SLC4A8: variants seen among roughly 807,000 people sequenced by gnomAD.
SLC4A8 encodes the protein solute carrier family 4 member 8.
Under a neutral mutation model 125.0 loss-of-function variants are expected in SLC4A8, and 40 were observed. The observed-to-expected ratio is 0.32, with a 90% CI of 0.25 to 0.42. SLC4A8 has a LOEUF of 0.42. Ranked by LOEUF, SLC4A8 falls within the 10% of genes least tolerant of loss-of-function variation. The pLI, the probability that SLC4A8 is intolerant of heterozygous loss-of-function variation, is 1.00. For missense variants in SLC4A8, 863 were observed against 1,355.1 expected (o/e 0.64, Z 5.70); for synonymous variants, 456 against 476.0 (o/e 0.96, Z 0.55).
chr12:51,457,869 C>T (rs1425355280), intron 6 of SLC4A8, among the ~76,000 whole-genome samples: 1 of 152,100 alleles, frequency 6.6e-6, no homozygotes, highest in East Asian at 1.9e-4. Context: ...TAGGAGCAAA[C>T]AAATATCTTA....
intron 22 of SLC4A8, among the ~76,000 whole-genome samples, chr12:51,502,837 ATTTTTTT>A (rs557351749): frequency 8.4e-6 from 1 of 118,392 alleles, no homozygotes; most frequent in Admixed American, 9.5e-5. Flanking sequence ...CGCCCGACTA[ATTTTTTT>A]TTTTTTTTTT....
At chr12:51,434,176 C>T (rs1949325614) in intron 1 of SLC4A8, among the ~76,000 whole-genome samples, 1 of 152,058 alleles carries the variant, frequency 6.6e-6, no homozygotes, top group African/African-American at 2.4e-5. Context: ...AGCCTGGCCA[C>T]ACAATCTTGT....
intron 13 of SLC4A8, 96 bp from the exon 14 acceptor site, chr12:51,471,191 T>C: frequency 8.5e-7 from 1 of 1,174,878 alleles, no homozygotes. Context: ...TGGGTTCCAG[T>C]GCTTGTTTAG....
chr12:51,395,347 T>C (rs1394412555), intron 1 of SLC4A8, among the ~76,000 whole-genome samples: 3 of 152,202 alleles, frequency 2.0e-5, no homozygotes, highest in African/African-American at 7.2e-5. Flanking sequence ...TTTTTTTTTT[T>C]TCTCACGATC....
At chr12:51,499,602 C>CTTGGTTATA (rs1226359614) in intron 22 of SLC4A8, among the ~76,000 whole-genome samples, 5 of 139,546 alleles carry the variant, frequency 3.6e-5, no homozygotes, top group Non-Finnish European at 7.8e-5. Context: ...TATTTGTTTT[C>CTTGGTTATA]TTGGTTATAG....
chr12:51,470,643 T>C lies in SLC4A8; in HGVS notation c.1658+118T>C, dbSNP rs988368590. The C allele has an allele frequency of 4.2e-6, 4 of 944,446 alleles. No homozygotes were observed. The East Asian group carries it at 7.4e-5, about 17-fold the overall frequency. 58.5% of individuals were successfully genotyped at this position (944,446 alleles called of 1,614,324 possible). ...ATATCATTTTGGATTGTAAGAAACC[T>C]GAAAGGAGACCATCATTTGGTCTGT... On this transcript the variant is annotated intron_variant, in intron 13 of 24. Transcript: ENST00000453097.
intron 2 of SLC4A8, among the ~76,000 whole-genome samples, chr12:51,443,647 T>C (rs1033920892): frequency 6.6e-6 from 1 of 152,218 alleles, no homozygotes; most frequent in African/African-American, 2.4e-5. Context: ...TAAGGCCTTC[T>C]AATACGTTTT....
intron 2 of SLC4A8, among the ~76,000 whole-genome samples, chr12:51,448,014 C>T (rs1167943237): frequency 2.0e-5 from 3 of 152,154 alleles, no homozygotes; most frequent in Admixed American, 6.5e-5. Context: ...CCACCACGTC[C>T]GGCTGGGATT....
chr12:51,409,930 C>G (rs932343669), intron 1 of SLC4A8, among the ~76,000 whole-genome samples: 17 of 152,166 alleles, frequency 1.1e-4, no homozygotes, highest in African/African-American at 4.1e-4. Context: ...ATGGGAAATA[C>G]GTGGAAATGT....
intron 18 of SLC4A8, among the ~76,000 whole-genome samples, 178 bp downstream of exon 18, chr12:51,489,038 G>A (rs1398408877): frequency 6.6e-6 from 1 of 152,192 alleles, no homozygotes; most frequent in Non-Finnish European, 1.5e-5. Context: ...ATGGTTGTAT[G>A]GTATGAAAGC....
At chr12:51,494,886 A>G in intron 20 of SLC4A8, 59 bp from the exon 21 acceptor site, 3 of 1,465,994 alleles carry the variant, frequency 2.0e-6, no homozygotes, top group Non-Finnish European at 2.8e-6. Flanking sequence ...GAATTGGTCT[A>G]ACAAAGCTTC....
intron 8 of SLC4A8, 61 bp downstream of exon 8, chr12:51,460,169 A>G (rs1325024912): frequency 1.6e-6 from 2 of 1,253,906 alleles, no homozygotes; most frequent in Non-Finnish European, 2.3e-6. Context: ...TAGTGCTGGT[A>G]GAAGAAACCA....
At chr12:51,396,595 C>A (rs1948267127) in intron 1 of SLC4A8, among the ~76,000 whole-genome samples, 1 of 151,666 alleles carries the variant, frequency 6.6e-6, no homozygotes, top group Non-Finnish European at 1.5e-5. Flanking sequence ...GTAATCCCAG[C>A]ACTTTGGGAG....
chr12:51,398,734 A>G (rs1013518678), intron 1 of SLC4A8, among the ~76,000 whole-genome samples: 1 of 152,152 alleles, frequency 6.6e-6, no homozygotes, highest in Non-Finnish European at 1.5e-5. Context: ...CTAAAAAAAG[A>G]GAAGTTTCTG....
At position 51,397,096 on chromosome 12, in the gene SLC4A8, AT is replaced by A. The variant is rs576290747; in HGVS notation, c.-112+5613del. Among the ~76,000 whole-genome samples the A allele has an allele frequency of 2.6e-3, 398 of 151,728 alleles. 1 individual carries two copies. The highest frequency in any genetic ancestry group is 9.2e-3 in the African/African-American group (381 of 41,350). ...AGGTGTGTGCCACCACACCCGGCTA[AT>A]TTTTGTATTTTTAGTAGAGACGGGG... On this transcript the variant is annotated intron_variant, in intron 1 of 24. Transcript: ENST00000358657.
intron 17 of SLC4A8, among the ~76,000 whole-genome samples, chr12:51,488,418 C>T (rs1951216039): frequency 6.6e-6 from 1 of 152,082 alleles, no homozygotes; most frequent in African/African-American, 2.4e-5. Context: ...CTCTGGGTCC[C>T]CTGTGCCAAG....
intron 2 of SLC4A8, among the ~76,000 whole-genome samples, chr12:51,446,881 T>C (rs768255748): frequency 4.6e-5 from 7 of 152,220 alleles, no homozygotes; most frequent in African/African-American, 7.2e-5. Context: ...CTTGATTATG[T>C]AGGCATTCTG....
chr12:51,461,093 C>A, intron 8 of SLC4A8, 111 bp from the exon 9 acceptor site: 2 of 516,526 alleles, frequency 3.9e-6, no homozygotes, highest in Non-Finnish European at 6.9e-6. Flanking sequence ...TTTGAAGGTA[C>A]AGTGATGATT....
At chr12:51,428,407 C>T (rs977811387) in intron 1 of SLC4A8, among the ~76,000 whole-genome samples, 2 of 152,132 alleles carry the variant, frequency 1.3e-5, no homozygotes, top group South Asian at 4.1e-4. Context: ...GCAGCTCTCC[C>T]GTATCCAAAG....
Sources: gnomAD v4.1 joint callset for allele counts (sites outside exome capture counted in the v4.1 genomes callset) on GRCh38, gnomAD v4.1.1 for gene constraint, MANE v1.5 for transcripts, NCBI Gene and HGNC (gene_info 2026-07-23, HGNC 2026-07-21) for gene names.